The following GATAD2A variants were observed in gnomAD, a reference collection of about 807,000 sequenced individuals.
GATAD2A encodes the protein GATA zinc finger domain containing 2A.
Under a neutral mutation model 68.5 loss-of-function variants are expected in GATAD2A, and 12 were observed. The observed-to-expected ratio is 0.18, with a 90% CI of 0.11 to 0.28. The LOEUF is 0.28. Ranked by LOEUF, GATAD2A falls within the 10% of genes least tolerant of loss-of-function variation. The pLI is 1.00. For synonymous variants in GATAD2A, 410 were observed against 375.3 expected (o/e 1.09, Z -1.07); for missense variants, 755 against 868.5 (o/e 0.87, Z 1.64).
chr19:19,460,543 C>G (rs2057337450), intron 1 of GATAD2A, among the ~76,000 whole-genome samples: 1 of 152,130 alleles, frequency 6.6e-6, no homozygotes, highest in South Asian at 2.1e-4. Context: ...AGTGGCTGCC[C>G]CCAGGTTCAG....
At chr19:19,474,072 A>G (rs999998499) in intron 2 of GATAD2A, 5 of 985,110 alleles carry the variant, frequency 5.1e-6, no homozygotes, top group Middle Eastern at 5.2e-4. Flanking sequence ...GGGAGTGTGG[A>G]CGGCTTTGTT....
chr19:19,499,587 C>T (rs550837688), intron 8 of GATAD2A, among the ~76,000 whole-genome samples: 2 of 152,256 alleles, frequency 1.3e-5, no homozygotes, highest in Admixed American at 6.5e-5. Flanking sequence ...TCGAGCTGTG[C>T]CCCCAGCACC....
chr19:19,508,859 T>C lies in GATAD2A; in HGVS notation c.*3385T>C, dbSNP rs578129129. ...AGAAGTTCCAATAAGCAGGCTGGAA[T>C]GGGTGGCTATACGTTGTATCACGAG... On this transcript the variant is annotated 3_prime_UTR_variant, in exon 12 of 12. Coordinates refer to ENST00000683918, the MANE Select transcript of GATAD2A (RefSeq NM_001384528.1). 1.3e-5 allele frequency: 2 copies of C among 152,312 alleles called. No homozygotes were observed. Among genetic ancestry groups the C allele is most frequent in the East Asian group, 3.9e-4 (2 of 5,186 alleles). 9.4% of individuals were successfully genotyped at this position (152,312 alleles called of 1,614,324 possible).
At chr19:19,505,018 C>T (rs902398190) in intron 11 of GATAD2A, among the ~76,000 whole-genome samples, 3 of 152,198 alleles carry the variant, frequency 2.0e-5, no homozygotes, top group East Asian at 1.9e-4. Flanking sequence ...TTATGGTTTT[C>T]CACTGTTCTA....
Position 19,492,333 on chromosome 19 carries a change from C to G in GATAD2A, c.297C>G (p.Pro99=). Residue 99 remains proline (P), a synonymous_variant, in exon 3 of 12, where the codon CCC becomes CCG. Transcript: ENST00000683918. Reference sequence around the variant, plus strand: ...ACATGAAGTCCGAGAGGAGACCCCCCTCACCTGACGTGATTGTGCTCTCCG... The same window carrying G: ...ACATGAAGTCCGAGAGGAGACCCCCGTCACCTGACGTGATTGTGCTCTCCG... ...HSDMKSERRP[P]SPDVIVLSDN... The G allele has an allele frequency of 6.2e-7, 1 of 1,607,948 alleles. No individual in the cohort carries two copies. Among genetic ancestry groups the G allele is most frequent in the Non-Finnish European group, 8.5e-7 (1 of 1,177,138 alleles).
intron 1 of GATAD2A, among the ~76,000 whole-genome samples, chr19:19,394,136 C>G (rs910105220): frequency 1.3e-5 from 2 of 152,060 alleles, no homozygotes; most frequent in Non-Finnish European, 2.9e-5. Context: ...AATCCTCCCG[C>G]CTAGGCCTCC....
chr19:19,429,788 G>A (rs1211527787), intron 1 of GATAD2A, among the ~76,000 whole-genome samples: 2 of 152,066 alleles, frequency 1.3e-5, no homozygotes, highest in Non-Finnish European at 2.9e-5. Flanking sequence ...GGTTGCCAAG[G>A]ATGGGCTTGT....
Position 19,494,220 on chromosome 19 carries a change from A to C in GATAD2A, c.535-74A>C, listed in dbSNP as rs1230431168. 5.2e-6 allele frequency: 4 copies of C among 774,672 alleles called. No individual in the cohort carries two copies. The African/African-American group carries it at 6.9e-5, about 13-fold the overall frequency. 48.0% of individuals were successfully genotyped at this position (774,672 alleles called of 1,614,324 possible). ...AGTCAGTCCTCTTCGGCAGCATTAA[A>C]TCTTGGCAACTCCGTGTGAGGAGAG... is the stretch of plus-strand genomic sequence containing the variant. On this transcript the variant is annotated intron_variant, in intron 4 of 11. Transcript: ENST00000683918.
intron 7 of GATAD2A, 123 bp downstream of exon 7, chr19:19,496,342 C>G (rs1029714966): frequency 2.3e-6 from 2 of 887,804 alleles, no homozygotes; most frequent in Non-Finnish European, 3.5e-6. Flanking sequence ...CTGCCTTGCT[C>G]TTTCAGAGCC....
chr19:19,450,741 A>G (rs1286500191), intron 1 of GATAD2A, among the ~76,000 whole-genome samples: 1 of 118,154 alleles, frequency 8.5e-6, no homozygotes, highest in Non-Finnish European at 1.7e-5. Flanking sequence ...ACCTCATTAC[A>G]TTAAAAAAAA....
chr19:19,452,818 G>A (rs2056527447), intron 1 of GATAD2A, among the ~76,000 whole-genome samples: 1 of 152,168 alleles, frequency 6.6e-6, no homozygotes, highest in Non-Finnish European at 1.5e-5. Context: ...TCCAGATCCT[G>A]CCCCAGAGTG....
chr19:19,429,022 T>G lies in GATAD2A; in HGVS notation c.-7+23003T>G, dbSNP rs556132061. Among the ~76,000 whole-genome samples the G allele has an allele frequency of 5.7e-4, 85 of 149,156 alleles. 1 individual carries two copies. Among genetic ancestry groups the G allele is most frequent in the African/African-American group, 1.9e-3 (73 of 39,126 alleles). On this transcript the variant is annotated intron_variant, in intron 1 of 11. Coordinates refer to ENST00000683918, the MANE Select transcript of GATAD2A (RefSeq NM_001384528.1). ...ATTAAAGACAGCATTTGTATGTTTT[T>G]TTTTTTTTTTTTGCCTCCAGCCGGT...
intron 1 of GATAD2A, chr19:19,436,348 G>A (rs2054339958): frequency 4.3e-6 from 2 of 463,424 alleles, no homozygotes; most frequent in African/African-American, 2.0e-5. Flanking sequence ...AGGGAGGCAG[G>A]CCCCCTGGGA....
Position 19,501,251 on chromosome 19 carries a change from C to G in GATAD2A, c.1338C>G (p.Asn446Lys). The change falls in exon 9 of 12, where the codon AAC (asparagine) becomes AAG (lysine). Residue 446 changes from asparagine to lysine, a missense_variant. Asn to Lys is a moderately conservative substitution (Grantham distance 94). Transcript: ENST00000683918. The part of the protein sequence containing the change: ...AIMCENCMTT[N>K]QKKALKVEHT... ...TGTGTGAGAACTGCATGACAACCAA[C>G]CAGAAGAAGGCGCTCAAGGTGGAGC... The G allele has an allele frequency of 6.2e-7, 1 of 1,613,404 alleles. No individual in the cohort carries two copies. The highest frequency in any genetic ancestry group is 8.5e-7 in the Non-Finnish European group (1 of 1,180,014).
At chr19:19,406,345 G>C (rs1178587004) in intron 1 of GATAD2A, among the ~76,000 whole-genome samples, 1 of 151,266 alleles carries the variant, frequency 6.6e-6, no homozygotes, top group Non-Finnish European at 1.5e-5. Context: ...TCTTCCGAGT[G>C]GTCGGGACGG....
rs1017809147 is a variant in GATAD2A at position 19,506,245 on chromosome 19, G to C, written c.*771G>C. 1.8e-5 allele frequency: 7 copies of C among 398,436 alleles called. No individual in the cohort carries two copies. Among genetic ancestry groups the C allele is most frequent in the Admixed American group, 8.8e-5 (2 of 22,708 alleles). 24.7% of individuals were successfully genotyped at this position (398,436 alleles called of 1,614,324 possible). ...GCCCCCGCACCTTCCAGACTTAGCA[G>C]AAGAACAAACTGAAGAACAGACCCA... On this transcript the variant is annotated 3_prime_UTR_variant, in exon 12 of 12. Transcript: ENST00000683918.
At chr19:19,477,420 A>C (rs1050689211) in intron 2 of GATAD2A, among the ~76,000 whole-genome samples, 2 of 152,300 alleles carry the variant, frequency 1.3e-5, no homozygotes, top group Admixed American at 1.3e-4. Flanking sequence ...CAGGGCCCTG[A>C]TAGCTTTCGT....
chr19:19,490,205 C>G (rs2059695315), intron 2 of GATAD2A, among the ~76,000 whole-genome samples: 1 of 152,156 alleles, frequency 6.6e-6, no homozygotes, highest in African/African-American at 2.4e-5. Context: ...CTAGGACCAG[C>G]GTTCAGGTAC....
intron 1 of GATAD2A, among the ~76,000 whole-genome samples, chr19:19,409,404 C>T (rs1008940704): frequency 6.6e-6 from 1 of 152,168 alleles, no homozygotes; most frequent in Non-Finnish European, 1.5e-5. Flanking sequence ...TTCCTCCTAA[C>T]CCTTGTCTGG....
Sources: allele counts gnomAD v4.1 joint callset (sites outside exome capture counted in the v4.1 genomes callset), GRCh38; gene constraint gnomAD v4.1.1; transcripts MANE v1.5; gene names NCBI Gene and HGNC (gene_info 2026-07-23, HGNC 2026-07-21).